Variants in C11orf65 observed in about 807,000 individuals in gnomAD.
C11orf65 encodes protein MFI.
A neutral mutation model predicts 35.3 loss-of-function variants in C11orf65; 38 were observed. The observed-to-expected ratio is 1.08, with a 90% CI of 0.83 to 1.41. The LOEUF (loss-of-function observed/expected upper bound fraction) is 1.41. C11orf65 is among the 40% of genes most tolerant of loss of function. The pLI is 0.00. For missense variants in C11orf65, 370 were observed against 367.1 expected (o/e 1.01, Z -0.06); for synonymous variants, 105 against 114.4 (o/e 0.92, Z 0.53).
intron 1 of C11orf65, among the ~76,000 whole-genome samples, chr11:108,466,372 G>T (rs1209343711): frequency 6.6e-6 from 1 of 152,090 alleles, no homozygotes; most frequent in Non-Finnish European, 1.5e-5. Flanking sequence ...TCAGGGGTTT[G>T]AGACCAGCCT....
At chr11:108,411,958 T>G (rs1428446871) in intron 3 of C11orf65, among the ~76,000 whole-genome samples, 2 of 152,068 alleles carry the variant, frequency 1.3e-5, no homozygotes, top group Non-Finnish European at 2.9e-5. Context: ...GTATTTTTAG[T>G]AGAGACGGGG....
At chr11:108,326,291 A>C in intron 6 of C11orf65, 1 of 1,558,408 alleles carries the variant, frequency 6.4e-7, no homozygotes, top group Non-Finnish European at 8.7e-7. Flanking sequence ...ATGTACTTTA[A>C]AATATTTTTA....
chr11:108,354,082 C>CACACACAT lies in C11orf65; in HGVS notation c.227-18791_227-18790insATGTGTGT, dbSNP rs1555143117. 2.7e-5 allele frequency among the ~76,000 whole-genome samples: 4 copies of CACACACAT among 150,410 alleles called. No individual in the cohort carries two copies. The East Asian group carries it at 7.7e-4, about 29-fold the overall frequency. ...ATACACACACACAAACACACACACACACACACACACACACACACACACACG... is the reference window on the plus strand; with the variant it reads ...ATACACACACACAAACACACACACACACACACATACACACACACACACACACACACACG... On this transcript the variant is annotated intron_variant, in intron 2 of 3. Coordinates refer to the C11orf65 transcript ENST00000524755.
chr11:108,317,652 T>TACACAC lies in C11orf65; in HGVS notation c.641-8587_641-8582dup, dbSNP rs1181493043. The TACACAC allele has an allele frequency of 2.7e-3, 323 of 118,316 alleles. 11 individuals are homozygous for TACACAC. Among genetic ancestry groups the TACACAC allele is most frequent in the African/African-American group, 9.6e-3 (190 of 19,796 alleles). 7.3% of individuals were successfully genotyped at this position (118,316 alleles called of 1,614,324 possible). ...ATATATATATATATATATATATATA[T>TACACAC]ACACACACACACACACACACACTAT... On this transcript the variant is annotated intron_variant, in intron 6 of 6. Transcript: ENST00000525729.
intron 2 of C11orf65, among the ~76,000 whole-genome samples, chr11:108,453,323 G>C (rs2093374856): frequency 2.0e-5 from 3 of 150,578 alleles, no homozygotes; most frequent in Admixed American, 1.3e-4. Flanking sequence ...AAAGGGAAAA[G>C]GGAGGGGAAA....
intron 3 of C11orf65, among the ~76,000 whole-genome samples, chr11:108,411,002 C>T (rs1382729806): frequency 1.3e-5 from 2 of 152,136 alleles, no homozygotes; most frequent in African/African-American, 2.4e-5. Flanking sequence ...AGCCACCATG[C>T]CCGGCCCCCT....
chr11:108,366,836 A>T (rs370286603), intron 2 of C11orf65: 4 of 229,862 alleles, frequency 1.7e-5, no homozygotes, highest in Admixed American at 5.7e-5. Flanking sequence ...GGAAGGAGGT[A>T]CATTTAATTC....
At chr11:108,456,266 G>GT (rs2093410368) in intron 2 of C11orf65, among the ~76,000 whole-genome samples, 1 of 152,160 alleles carries the variant, frequency 6.6e-6, no homozygotes, top group Admixed American at 6.6e-5. Context: ...GCAATTCATT[G>GT]TGAAAAGGAT....
intron 2 of C11orf65, among the ~76,000 whole-genome samples, chr11:108,448,559 A>C (rs2093300247): frequency 6.6e-6 from 1 of 152,242 alleles, no homozygotes; most frequent in African/African-American, 2.4e-5. Context: ...ATAGATTCAG[A>C]AAAGGCCTTT....
intron 2 of C11orf65, chr11:108,335,740 C>T: frequency 1.3e-6 from 1 of 799,154 alleles, no homozygotes; most frequent in Non-Finnish European, 2.1e-6. Flanking sequence ...AAGAGGTGCA[C>T]AGATGCTCAG....
At chr11:108,368,992 C>A (rs905096677) in intron 2 of C11orf65, 1 of 184,386 alleles carries the variant, frequency 5.4e-6, no homozygotes, top group Non-Finnish European at 1.1e-5. Context: ...TTTAATTGCA[C>A]CTTAATGAAA....
At chr11:108,444,053 C>T (rs2093208184) in intron 2 of C11orf65, among the ~76,000 whole-genome samples, 1 of 151,942 alleles carries the variant, frequency 6.6e-6, no homozygotes, top group African/African-American at 2.4e-5. Context: ...AAAAGATCAA[C>T]AAAATTGATA....
chr11:108,339,391 A>G (rs745808475), intron 2 of C11orf65, among the ~76,000 whole-genome samples: 4 of 152,124 alleles, frequency 2.6e-5, no homozygotes, highest in Admixed American at 6.6e-5. Context: ...TATCTCAGTC[A>G]TGGTTCTGGG....
chr11:108,424,359 A>G (rs2092867883), intron 3 of C11orf65, among the ~76,000 whole-genome samples: 1 of 152,184 alleles, frequency 6.6e-6, no homozygotes, highest in African/African-American at 2.4e-5. Context: ...TTAGAGAAAA[A>G]AGAATGAAAA....
At chr11:108,361,547 A>C (rs1268879323) in intron 2 of C11orf65, among the ~76,000 whole-genome samples, 2 of 152,088 alleles carry the variant, frequency 1.3e-5, no homozygotes, top group African/African-American at 4.8e-5. Context: ...ACTTCAAACT[A>C]TACTACAAGG....
intron 2 of C11orf65, chr11:108,367,119 C>T (rs967246140): frequency 5.6e-6 from 1 of 179,310 alleles, no homozygotes; most frequent in African/African-American, 2.4e-5. Context: ...TCCCGAGTAG[C>T]TGGGACTACA....
intron 3 of C11orf65, among the ~76,000 whole-genome samples, chr11:108,422,439 A>G (rs958970872): frequency 6.6e-6 from 1 of 152,344 alleles, no homozygotes; most frequent in South Asian, 2.1e-4. Context: ...AGTTACGACA[A>G]CAGTAGAAAA....
At chr11:108,416,858 T>C (rs1214596633) in intron 3 of C11orf65, among the ~76,000 whole-genome samples, 1 of 152,156 alleles carries the variant, frequency 6.6e-6, no homozygotes, top group Non-Finnish European at 1.5e-5. Context: ...TTGAACTAAA[T>C]GTACTCTTAC....
chr11:108,452,767 T>C (rs1251056697), intron 2 of C11orf65, among the ~76,000 whole-genome samples: 21 of 151,880 alleles, frequency 1.4e-4, no homozygotes, highest in Non-Finnish European at 2.5e-4. Context: ...CCATCAATGA[T>C]AGACTGGATT....
Sources: allele counts gnomAD v4.1 joint callset (sites outside exome capture counted in the v4.1 genomes callset), GRCh38; gene constraint gnomAD v4.1.1; transcripts MANE v1.5; gene names NCBI Gene and HGNC (gene_info 2026-07-23, HGNC 2026-07-21).